TMC5: variants seen among roughly 807,000 people sequenced by gnomAD.
TMC5 encodes transmembrane channel like 5.
In TMC5, 86 loss-of-function variants were observed where a neutral mutation model predicts 110.5. That is an observed-to-expected ratio of 0.78 (90% CI 0.65 to 0.93). TMC5 has a LOEUF of 0.93. Ranked by LOEUF, TMC5 falls within the 40% of genes least tolerant of loss-of-function variation. TMC5 has a pLI of 0.00. For synonymous variants in TMC5, 455 were observed against 439.5 expected (o/e 1.04, Z -0.44); for missense variants, 1,144 against 1,222.8 (o/e 0.94, Z 0.96).
intron 6 of TMC5, among the ~76,000 whole-genome samples, chr16:19,460,858 C>T (rs753850308): frequency 7.2e-5 from 11 of 152,130 alleles, no homozygotes; most frequent in Admixed American, 1.3e-4. Flanking sequence ...GTGGAAAGTT[C>T]TACAGAGACG....
chr16:19,432,810 C>T (rs921881027), intron 2 of TMC5, among the ~76,000 whole-genome samples: 1 of 152,164 alleles, frequency 6.6e-6, no homozygotes, highest in African/African-American at 2.4e-5. Context: ...CATATAACAT[C>T]CATCTTTCTA....
chr16:19,446,804 A>G (rs1364336078), intron 4 of TMC5, among the ~76,000 whole-genome samples: 1 of 152,246 alleles, frequency 6.6e-6, no homozygotes, highest in Non-Finnish European at 1.5e-5. Flanking sequence ...AAACAAAAAA[A>G]GCAGGTCAGT....
At chr16:19,443,184 C>G (rs1967529426) in intron 3 of TMC5, among the ~76,000 whole-genome samples, 1 of 152,206 alleles carries the variant, frequency 6.6e-6, no homozygotes, top group Non-Finnish European at 1.5e-5. Context: ...AAAAATAATA[C>G]AGATGCCTCA....
intron 5 of TMC5, among the ~76,000 whole-genome samples, chr16:19,454,750 T>C (rs148508340): frequency 1.2e-4 from 19 of 152,312 alleles, no homozygotes; most frequent in African/African-American, 4.3e-4. Context: ...CTAGGTGATT[T>C]GAAATTAGAT....
intron 20 of TMC5, among the ~76,000 whole-genome samples, chr16:19,494,803 T>C (rs1729434481): frequency 6.6e-6 from 1 of 151,310 alleles, no homozygotes. Flanking sequence ...TGGCACTCTG[T>C]CTCAAAAAAA....
At chr16:19,441,656 T>C (rs1234618750) in intron 3 of TMC5, among the ~76,000 whole-genome samples, 1 of 152,178 alleles carries the variant, frequency 6.6e-6, no homozygotes, top group Non-Finnish European at 1.5e-5. Context: ...TCAGAATTGA[T>C]GACTTTTCAC....
intron 4 of TMC5, among the ~76,000 whole-genome samples, chr16:19,448,678 T>C (rs1290851855): frequency 9.6e-6 from 1 of 104,270 alleles, no homozygotes; most frequent in Admixed American, 1.2e-4. Flanking sequence ...TATATTAAAA[T>C]ATATATTTAT....
rs1041643569 is a variant in TMC5 at position 19,422,120 on chromosome 16, G to T, written c.-308+4028G>T. ...GTGGCACATGCCTGTAGTCCCAACTGCTCAGGAGGCTGAGGCAGGAGAATT... is the reference window on the plus strand; with the variant it reads ...GTGGCACATGCCTGTAGTCCCAACTTCTCAGGAGGCTGAGGCAGGAGAATT... On this transcript the variant is annotated intron_variant, in intron 1 of 21. Transcript: ENST00000542583. Among the ~76,000 whole-genome samples, 4 of 151,320 alleles carry T rather than the reference G, an allele frequency of 2.6e-5. No homozygotes were observed. In the South Asian group the frequency reaches 8.4e-4, roughly 32 times the overall value.
chr16:19,427,341 A>G (rs903329515), intron 1 of TMC5, among the ~76,000 whole-genome samples: 1 of 152,154 alleles, frequency 6.6e-6, no homozygotes, highest in Admixed American at 6.5e-5. Flanking sequence ...AATCCCAGCT[A>G]CTCAAGAGGC....
chr16:19,424,321 C>A (rs763260786), intron 1 of TMC5, among the ~76,000 whole-genome samples: 37 of 152,246 alleles, frequency 2.4e-4, no homozygotes, highest in Middle Eastern at 6.8e-3. Context: ...ATTATGGTAA[C>A]CATATCATAT....
chr16:19,464,042 C>CCTA lies in TMC5; in HGVS notation c.1485+20_1485+22dup, dbSNP rs755229625. On this transcript the variant is annotated intron_variant, in intron 8 of 21. Coordinates refer to ENST00000542583, the MANE Select transcript of TMC5 (RefSeq NM_001261841.2). Reference sequence around the variant, plus strand: ...CTGGGGTGGTAAGTCCTCCACTTCCCCTACCCCAAGTGCACCAATCACCTC... The same window carrying CCTA: ...CTGGGGTGGTAAGTCCTCCACTTCCCCTACTACCCCAAGTGCACCAATCACCTC... 2 of 1,610,954 alleles carry CCTA rather than the reference C, an allele frequency of 1.2e-6. No homozygotes were observed. Among genetic ancestry groups the CCTA allele is most frequent in the Non-Finnish European group, 1.7e-6 (2 of 1,178,452 alleles).
chr16:19,486,778 TAC>T (rs1283226549), intron 15 of TMC5, among the ~76,000 whole-genome samples, 165 bp from the exon 16 acceptor site: 1 of 152,128 alleles, frequency 6.6e-6, no homozygotes, highest in African/African-American at 2.4e-5. Flanking sequence ...TGTCTCCAAA[TAC>T]AGTCACATTC....
rs1203731692 is a variant in TMC5, at chr16:19,470,724, A to T, written c.1782+899A>T. On this transcript the variant is annotated intron_variant, in intron 10 of 21. Coordinates refer to ENST00000542583, the MANE Select transcript of TMC5 (RefSeq NM_001261841.2). Reference sequence around the variant, plus strand: ...TGGTCTATAGACACAAACTTATTAAAAAAAAAAAAAAAAAAAAAAAAAAAA... The same window carrying T: ...TGGTCTATAGACACAAACTTATTAATAAAAAAAAAAAAAAAAAAAAAAAAA... 1.7e-3 allele frequency among the ~76,000 whole-genome samples: 15 copies of T among 8,840 alleles called. No individual in the cohort carries two copies. In the South Asian group the frequency reaches 0.062, roughly 37 times the overall value. The allele number at this position is 8,840 out of a possible 152,430, so 5.8% of individuals were successfully genotyped here. A position where few individuals can be genotyped will look rare whatever the true frequency, so the allele number is the denominator to read the frequency against.
intron 17 of TMC5, among the ~76,000 whole-genome samples, chr16:19,487,605 G>A (rs1220323432): frequency 6.6e-6 from 1 of 152,014 alleles, no homozygotes; most frequent in Non-Finnish European, 1.5e-5. Flanking sequence ...TTGAGGCTGA[G>A]GCAGGAGAAT....
intron 5 of TMC5, among the ~76,000 whole-genome samples, chr16:19,450,044 G>A (rs1257984394): frequency 3.9e-5 from 6 of 152,192 alleles, no homozygotes; most frequent in South Asian, 4.1e-4. Flanking sequence ...GTCAACCCTG[G>A]AGAAGGAACA....
intron 2 of TMC5, among the ~76,000 whole-genome samples, chr16:19,436,295 A>AAAGAAAG (rs1491247478): frequency 1.8e-3 from 276 of 150,726 alleles, no homozygotes; most frequent in Non-Finnish European, 3.4e-3. Flanking sequence ...GAAAGGAAAA[A>AAAGAAAG]GAAAAAGAAA....
intron 4 of TMC5, among the ~76,000 whole-genome samples, chr16:19,445,146 A>C (rs1267087756): frequency 6.6e-6 from 1 of 152,156 alleles, no homozygotes; most frequent in African/African-American, 2.4e-5. Flanking sequence ...CAAAAAAAAG[A>C]CTAAAGAAAG....
At chr16:19,418,508 G>C (rs1199263471) in intron 1 of TMC5, among the ~76,000 whole-genome samples, 1 of 152,080 alleles carries the variant, frequency 6.6e-6, no homozygotes, top group African/African-American at 2.4e-5. Flanking sequence ...CTCTATGTCT[G>C]GGGGTGTCTC....
At chr16:19,434,203 T>C (rs1357093754) in intron 2 of TMC5, among the ~76,000 whole-genome samples, 2 of 122,638 alleles carry the variant, frequency 1.6e-5, no homozygotes, top group African/African-American at 6.9e-5. Flanking sequence ...TATATATCTA[T>C]ATATCTATAG....
Sources: allele counts gnomAD v4.1 joint callset (sites outside exome capture counted in the v4.1 genomes callset), GRCh38; gene constraint gnomAD v4.1.1; transcripts MANE v1.5; gene names NCBI Gene and HGNC (gene_info 2026-07-23, HGNC 2026-07-21).